The following NCOA1 variants were observed in gnomAD, a reference collection of about 807,000 sequenced individuals.
NCOA1 encodes the protein nuclear receptor coactivator 1, also known as Hin-2 protein.
In NCOA1, 35 loss-of-function variants were observed where a neutral mutation model predicts 150.9. The ratio of observed to expected loss-of-function variants is 0.23; its 90% CI spans 0.18 to 0.31. The LOEUF (loss-of-function observed/expected upper bound fraction) is 0.31. NCOA1 is among the 10% of genes least tolerant of loss of function. The pLI is 1.00. For missense variants in NCOA1, 1,491 were observed against 1,749.3 expected, an observed-to-expected ratio of 0.85 and a Z score of 2.63; for synonymous variants, 590 against 630.0, an observed-to-expected ratio of 0.94 and a Z score of 0.95.
intron 4 of NCOA1, among the ~76,000 whole-genome samples, chr2:24,648,500 T>C (rs923285953): frequency 6.6e-6 from 1 of 152,174 alleles, no homozygotes; most frequent in African/African-American, 2.4e-5. Flanking sequence ...CTCGAACTCC[T>C]GACCTCATGA....
intron 3 of NCOA1, among the ~76,000 whole-genome samples, chr2:24,633,991 T>C (rs1669822235): frequency 6.6e-6 from 1 of 152,180 alleles, no homozygotes; most frequent in Admixed American, 6.5e-5. Flanking sequence ...CATACACATA[T>C]GAACAGAACA....
Position 24,742,714 on chromosome 2 carries a change from G to A in NCOA1, c.3706+528G>A, listed in dbSNP as rs574312262. 2.3e-4 allele frequency among the ~76,000 whole-genome samples: 35 copies of A among 150,908 alleles called. No homozygotes were observed. In the East Asian group the frequency reaches 3.7e-3, roughly 16 times the overall value. On this transcript the variant is annotated intron_variant, in intron 19 of 22. Transcript: ENST00000348332. ...TGACCTCAGGTGAGCCACCATACCC[G>A]GCCCATTCTCTTATTTTTTAATTTT...
chr2:24,684,784 A>C (rs1326165073), intron 8 of NCOA1, among the ~76,000 whole-genome samples: 1 of 152,236 alleles, frequency 6.6e-6, no homozygotes, highest in Non-Finnish European at 1.5e-5. Context: ...ACCTAATCTT[A>C]CAGTGTTGGT....
intron 3 of NCOA1, among the ~76,000 whole-genome samples, chr2:24,633,612 T>C (rs1467878699): frequency 6.6e-6 from 1 of 152,200 alleles, no homozygotes; most frequent in Non-Finnish European, 1.5e-5. Flanking sequence ...CTAGGCTCCA[T>C]AATATTCAGG....
At chr2:24,617,241 A>G (rs571177998) in intron 3 of NCOA1, among the ~76,000 whole-genome samples, 94 of 152,224 alleles carry the variant, frequency 6.2e-4, no homozygotes, top group African/African-American at 2.0e-3. Context: ...TGGGGTTTAA[A>G]TTTTAGCAGA....
chr2:24,507,288 C>G (rs538491230), intron 1 of NCOA1, among the ~76,000 whole-genome samples: 7 of 152,128 alleles, frequency 4.6e-5, no homozygotes, highest in Non-Finnish European at 1.0e-4. Context: ...GTTACTTAAC[C>G]TCTTGGTGCC....
chr2:24,559,289 C>T (rs961885246), intron 1 of NCOA1, among the ~76,000 whole-genome samples: 5 of 152,136 alleles, frequency 3.3e-5, no homozygotes, highest in Admixed American at 6.5e-5. Flanking sequence ...GTTTTGTCAC[C>T]GTCATTACCC....
At chr2:24,621,432 ATTTT>A (rs1162282258) in intron 3 of NCOA1, among the ~76,000 whole-genome samples, 20 of 38,880 alleles carry the variant, frequency 5.1e-4, no homozygotes, top group African/African-American at 1.7e-3. Flanking sequence ...ATTCAGGCAG[ATTTT>A]TTTTTTTTTT....
intron 3 of NCOA1, among the ~76,000 whole-genome samples, chr2:24,636,916 T>C (rs1356344698): frequency 6.6e-6 from 1 of 151,080 alleles, no homozygotes; most frequent in Non-Finnish European, 1.5e-5. Context: ...AAATTTTTTA[T>C]GTTAATTTTT....
At chr2:24,576,149 G>GTTTTTTTTTTTTTTTTTTTTTTTTTTT (rs1183405187) in intron 2 of NCOA1, among the ~76,000 whole-genome samples, 24 of 94,006 alleles carry the variant, frequency 2.6e-4, no homozygotes, top group Non-Finnish European at 4.3e-4. Flanking sequence ...TTTGGCCTTT[G>GTTTTTTTTTTTTTTTTTTTTTTTTTTT]TTTTTTTTTT....
chr2:24,537,354 T>C (rs1349526697), intron 1 of NCOA1, among the ~76,000 whole-genome samples: 1 of 152,048 alleles, frequency 6.6e-6, no homozygotes, highest in Non-Finnish European at 1.5e-5. Flanking sequence ...GACATTATGC[T>C]AAGTGAAGTA....
intron 5 of NCOA1, among the ~76,000 whole-genome samples, chr2:24,661,682 T>C (rs1671189905): frequency 6.6e-6 from 1 of 152,206 alleles, no homozygotes; most frequent in Non-Finnish European, 1.5e-5. Flanking sequence ...TTCCCAGTTA[T>C]CAGTAATGAC....
At chr2:24,633,730 A>G (rs1295380565) in intron 3 of NCOA1, among the ~76,000 whole-genome samples, 1 of 152,212 alleles carries the variant, frequency 6.6e-6, no homozygotes, top group African/African-American at 2.4e-5. Context: ...CTCAAACTAC[A>G]CACTCTGGGG....
intron 5 of NCOA1, among the ~76,000 whole-genome samples, chr2:24,660,450 A>T (rs1671132511): frequency 1.3e-5 from 2 of 152,076 alleles, no homozygotes; most frequent in Non-Finnish European, 1.5e-5. Flanking sequence ...ATTTTTAATA[A>T]TTATGTGTGT....
intron 1 of NCOA1, among the ~76,000 whole-genome samples, chr2:24,492,520 G>C (rs1021610459): frequency 1.3e-5 from 2 of 152,050 alleles, no homozygotes; most frequent in Non-Finnish European, 2.9e-5. Context: ...AATACAGCCT[G>C]TGTGTGTGTG....
At chr2:24,755,947 A>G (rs1389616079) in intron 20 of NCOA1, among the ~76,000 whole-genome samples, 1 of 152,012 alleles carries the variant, frequency 6.6e-6, no homozygotes, top group Non-Finnish European at 1.5e-5. Flanking sequence ...GAAAATAGGC[A>G]TAGAGGCTGG....
chr2:24,530,913 C>T (rs1243529840), intron 1 of NCOA1, among the ~76,000 whole-genome samples: 2 of 152,166 alleles, frequency 1.3e-5, no homozygotes, highest in African/African-American at 4.8e-5. Flanking sequence ...TTCTTTATAG[C>T]TCCATATCAG....
intron 14 of NCOA1, among the ~76,000 whole-genome samples, chr2:24,715,822 T>C (rs1674006908): frequency 6.6e-6 from 1 of 152,128 alleles, no homozygotes; most frequent in Non-Finnish European, 1.5e-5. Context: ...AATCAACCCA[T>C]GTAAATTTAA....
chr2:24,768,342 C>A lies in NCOA1; in HGVS notation c.4277C>A (p.Thr1426Asn), dbSNP rs201582264. Residue 1426 changes from threonine (T) to asparagine (N), a missense_variant, in exon 23 of 23, where the codon ACC becomes AAC. Coordinates refer to ENST00000348332, the MANE Select transcript of NCOA1 (RefSeq NM_003743.5). ...CAAAAGCCCACGTCAGGACCACAGA[C>A]CCCCCAGGCCCAGCAGAAGAGCCTC... Reference protein sequence around the residue: ...GTQKPTSGPQTPQAQQKSLLQ... With the variant: ...GTQKPTSGPQNPQAQQKSLLQ... 1 of 1,612,764 alleles carries A rather than the reference C, an allele frequency of 6.2e-7. No individual in the cohort carries two copies. Among genetic ancestry groups the A allele is most frequent in the African/African-American group, 1.3e-5 (1 of 74,922 alleles).
Sources: allele counts gnomAD v4.1 joint callset (sites outside exome capture counted in the v4.1 genomes callset), GRCh38; gene constraint gnomAD v4.1.1; transcripts MANE v1.5; gene names NCBI Gene and HGNC (gene_info 2026-07-23, HGNC 2026-07-21).